GLE1: variants seen among roughly 807,000 people sequenced by gnomAD.
GLE1 encodes the protein mRNA export factor GLE1.
Under a neutral mutation model 97.3 loss-of-function variants are expected in GLE1, and 78 were observed. The ratio of observed to expected loss-of-function variants is 0.80; its 90% confidence interval spans 0.67 to 0.97. The LOEUF is 0.97. Among genes scored for constraint, GLE1 ranks in the 50% least tolerant of loss-of-function variants. The probability of loss-of-function intolerance (pLI) is 0.00; values close to 1 mark genes in which losing one functional copy is unlikely to be tolerated. For synonymous variants in GLE1, 302 were observed against 313.4 expected (o/e 0.96, Z 0.39); for missense variants, 753 against 857.5 (o/e 0.88, Z 1.52).
At chr9:128,510,314 C>T (rs1274347688) in intron 2 of GLE1, among the ~76,000 whole-genome samples, 9 of 151,536 alleles carry the variant, frequency 5.9e-5, no homozygotes, top group South Asian at 2.1e-4. Context: ...CTGCAACTTC[C>T]GCCTCCCGGC....
intron 9 of GLE1, among the ~76,000 whole-genome samples, chr9:128,530,063 T>C (rs1410260147): frequency 6.6e-6 from 1 of 152,204 alleles, no homozygotes; most frequent in African/African-American, 2.4e-5. Flanking sequence ...CCCAAAGTGC[T>C]GGGATTACAG....
intron 9 of GLE1, among the ~76,000 whole-genome samples, chr9:128,529,289 G>A (rs1847407766): frequency 6.6e-6 from 1 of 152,102 alleles, no homozygotes; most frequent in African/African-American, 2.4e-5. Context: ...CATCCAGTGT[G>A]AGCTCCTCAG....
chr9:128,539,094 T>C (rs1847812588), intron 13 of GLE1, among the ~76,000 whole-genome samples: 1 of 151,696 alleles, frequency 6.6e-6, no homozygotes, highest in Admixed American at 6.6e-5. Flanking sequence ...AATACAAAAA[T>C]TAGTGGTGTG....
At chr9:128,510,464 T>C (rs1456819798) in intron 2 of GLE1, among the ~76,000 whole-genome samples, 2 of 151,020 alleles carry the variant, frequency 1.3e-5, no homozygotes, top group Non-Finnish European at 2.9e-5. Flanking sequence ...CCTGACCTTA[T>C]GATCTGCCCA....
chr9:128,539,941 C>T, intron 14 of GLE1: 2 of 1,087,966 alleles, frequency 1.8e-6, no homozygotes, highest in South Asian at 1.6e-5. Flanking sequence ...AGCACAGTGG[C>T]TTATGCCTAT....
intron 1 of GLE1, among the ~76,000 whole-genome samples, chr9:128,506,472 T>G (rs181950028): frequency 9.3e-4 from 141 of 152,362 alleles, no homozygotes; most frequent in Non-Finnish European, 1.0e-4. Flanking sequence ...TGTGACATAT[T>G]TCCATCTTTC....
intron 3 of GLE1, among the ~76,000 whole-genome samples, chr9:128,520,304 ATATATGTG>A (rs1847106804): frequency 6.8e-6 from 1 of 148,002 alleles, no homozygotes. Flanking sequence ...GTATATATGT[ATATATGTG>A]TATATATGTA....
chr9:128,518,277 A>G (rs922984575), intron 3 of GLE1, among the ~76,000 whole-genome samples: 1 of 151,968 alleles, frequency 6.6e-6, no homozygotes, highest in Non-Finnish European at 1.5e-5. Context: ...ATTACAGCAC[A>G]GGGCCGGGCC....
intron 1 of GLE1, among the ~76,000 whole-genome samples, chr9:128,508,180 CAAA>C (rs561804495): frequency 1.3e-5 from 1 of 74,472 alleles, no homozygotes. Context: ...AACTCCATCT[CAAA>C]AAAAAAAAAA....
chr9:128,513,043 A>G (rs1009805758), intron 2 of GLE1, among the ~76,000 whole-genome samples: 1 of 152,132 alleles, frequency 6.6e-6, no homozygotes, highest in Non-Finnish European at 1.5e-5. Flanking sequence ...GGATTGTCAC[A>G]TTATTTAGGA....
In GLE1 at chr9:128,531,710, TAGTCCCAGC is replaced by T. The variant is rs1847514926; in HGVS notation, c.1313-1802_1313-1794del. ...AGCCGGGCGTGGTGGCACACACCTG[TAGTCCCAGC>T]TACTTGGGAGGCTGAGGTGGAAGAA... On this transcript the variant is annotated intron_variant, in intron 9 of 15. Coordinates refer to ENST00000309971, the MANE Select transcript of GLE1 (RefSeq NM_001003722.2). 2.0e-5 allele frequency among the ~76,000 whole-genome samples: 3 copies of T among 151,190 alleles called. No homozygotes were observed. The South Asian group carries it at 6.3e-4, about 32-fold the overall frequency.
At position 128,523,733 on chromosome 9, in the gene GLE1, C is replaced by G. The variant is rs957041014; in HGVS notation, c.784C>G (p.Leu262Val). The G allele has an allele frequency of 3.7e-6, 6 of 1,613,984 alleles. No individual in the cohort carries two copies. Among genetic ancestry groups the G allele is most frequent in the Admixed American group, 1.7e-5 (1 of 59,990 alleles). The change falls in exon 6 of 16, where the codon CTG (leucine) becomes GTG (valine). Residue 262 changes from leucine (L) to valine (V), a missense_variant. Leu to Val is a conservative substitution (Grantham distance 32, BLOSUM62 1). Transcript: ENST00000309971. The part of the protein sequence containing the change: ...QEEMLQLSQQ[L>V]DASEQHKALL... ...GGAGATGCTGCAGCTCAGCCAGCAG[C>G]TGGATGCCTCTGAGCAGCACAAAGC...
intron 2 of GLE1, 96 bp downstream of exon 2, chr9:128,509,193 T>C: frequency 1.3e-6 from 1 of 779,346 alleles, no homozygotes; most frequent in African/African-American, 1.7e-5. Context: ...CTAGGGGAAA[T>C]AATGATTGCT....
chr9:128,540,487 C>A, intron 15 of GLE1, 149 bp downstream of exon 15: 1 of 687,802 alleles, frequency 1.5e-6, no homozygotes, highest in Non-Finnish European at 2.7e-6. Context: ...TCCCTCTTAA[C>A]CTTTGGAGTA....
Position 128,505,917 on chromosome 9 carries a change from C to T in GLE1, c.99+1013C>T, listed in dbSNP as rs77506605. Among the ~76,000 whole-genome samples, 584 of 152,298 alleles carry T rather than the reference C, an allele frequency of 3.8e-3. 8 individuals are homozygous for T. Among genetic ancestry groups the T allele is most frequent in the Admixed American group, 0.027 (411 of 15,292 alleles). On this transcript the variant is annotated intron_variant, in intron 1 of 15. Transcript: ENST00000309971. ...ATCCTGTTTCTTTATATCCGCTATTCCTTCTGCATTTGTTAGTTGGCATTC... is the reference window on the plus strand; with the variant it reads ...ATCCTGTTTCTTTATATCCGCTATTTCTTCTGCATTTGTTAGTTGGCATTC...
At chr9:128,523,239 G>C in intron 4 of GLE1, 41 bp from the exon 5 acceptor site, 1 of 1,408,336 alleles carries the variant, frequency 7.1e-7, no homozygotes, top group East Asian at 2.3e-5. Context: ...ACAATTTCAG[G>C]AAGTATCCCT....
chr9:128,524,633 C>T (rs1425887184), intron 6 of GLE1, among the ~76,000 whole-genome samples: 1 of 145,284 alleles, frequency 6.9e-6, no homozygotes, highest in Admixed American at 7.1e-5. Context: ...CTCACTTCAA[C>T]CTCCGGCTTC....
At position 128,541,408 on chromosome 9, in the gene GLE1, C is replaced by T; in HGVS notation, c.*238C>T. On this transcript the variant is annotated 3_prime_UTR_variant, in exon 16 of 16. Transcript: ENST00000309971. Reference sequence around the variant, plus strand: ...ACGTGATAAAATAAATGGAGTTGGCCTTTCTTGTTTTTTGCAAAAGTGATA... The same window carrying T: ...ACGTGATAAAATAAATGGAGTTGGCTTTTCTTGTTTTTTGCAAAAGTGATA... 1 of 548,736 alleles carries T rather than the reference C, an allele frequency of 1.8e-6. No homozygotes were observed. Among genetic ancestry groups the T allele is most frequent in the Non-Finnish European group, 3.3e-6 (1 of 306,158 alleles). 34.0% of individuals were successfully genotyped at this position (548,736 alleles called of 1,614,324 possible).
At chr9:128,526,754 C>T (rs974330018) in intron 7 of GLE1, among the ~76,000 whole-genome samples, 7 of 152,148 alleles carry the variant, frequency 4.6e-5, no homozygotes, top group Middle Eastern at 3.4e-3. Context: ...ACTATAGCCT[C>T]ACCCTCCCAG....
Sources: gnomAD v4.1 joint callset for allele counts (sites outside exome capture counted in the v4.1 genomes callset) on GRCh38, gnomAD v4.1.1 for gene constraint, MANE v1.5 for transcripts, NCBI Gene and HGNC (gene_info 2026-07-23, HGNC 2026-07-21) for gene names.